Variants in JMJD1C observed in about 807,000 individuals in gnomAD.
The protein encoded by JMJD1C is jumonji domain-containing protein 1C.
In JMJD1C, 31 loss-of-function variants were observed where a neutral mutation model predicts 245.3. That is an observed-to-expected ratio of 0.13 (90% CI 0.09 to 0.17). JMJD1C has a LOEUF of 0.17. Ranked by LOEUF, JMJD1C falls within the 10% of genes least tolerant of loss-of-function variation. The pLI, the probability that JMJD1C is intolerant of heterozygous loss-of-function variation, is 1.00. For missense variants in JMJD1C, 2,691 were observed against 3,000.2 expected (o/e 0.90, Z 2.41); for synonymous variants, 1,057 against 1,017.4 (o/e 1.04, Z -0.74).
At chr10:63,211,745 C>T (rs1334978102) in intron 8 of JMJD1C, among the ~76,000 whole-genome samples, 1 of 148,304 alleles carries the variant, frequency 6.7e-6, no homozygotes, top group Admixed American at 6.7e-5. Context: ...TTAAAAACAC[C>T]CATGTGAGGC....
At chr10:63,375,203 T>C (rs1015787583) in intron 2 of JMJD1C, among the ~76,000 whole-genome samples, 1 of 149,190 alleles carries the variant, frequency 6.7e-6, no homozygotes, top group Non-Finnish European at 1.5e-5. Context: ...TTTTTTTTTT[T>C]TGAGGCAAGG....
chr10:63,268,642 G>C, intron 2 of JMJD1C: 1 of 911,762 alleles, frequency 1.1e-6, no homozygotes, highest in Non-Finnish European at 1.3e-6. Flanking sequence ...GAAAAAGGAA[G>C]CAGAAAAATA....
At chr10:63,189,662 T>C (rs3816685) in intron 17 of JMJD1C, among the ~76,000 whole-genome samples, 5,323 of 152,276 alleles carry the variant, frequency 0.035, 289 homozygotes, top group East Asian at 0.26. Flanking sequence ...ACAGCCTTCC[T>C]GTCTTTTACA....
chr10:63,447,885 G>C (rs1297304006), intron 1 of JMJD1C, among the ~76,000 whole-genome samples: 1 of 152,024 alleles, frequency 6.6e-6, no homozygotes, highest in African/African-American at 2.4e-5. Flanking sequence ...GTTGCAGTGA[G>C]CTGAGACCAC....
intron 2 of JMJD1C, among the ~76,000 whole-genome samples, chr10:63,296,978 C>T (rs1217495739): frequency 2.6e-5 from 4 of 152,168 alleles, no homozygotes; most frequent in South Asian, 4.1e-4. Flanking sequence ...TATAATTATT[C>T]CCTTCTTGAA....
chr10:63,206,329 C>A (rs1050178829), intron 10 of JMJD1C, among the ~76,000 whole-genome samples: 2 of 152,098 alleles, frequency 1.3e-5, no homozygotes, highest in African/African-American at 4.8e-5. Flanking sequence ...CGTTAAATTA[C>A]GCAAATTACC....
chr10:63,186,388 T>A lies in JMJD1C; in HGVS notation c.6571-5A>T. On this transcript the variant is annotated splice_polypyrimidine_tract_variant and splice_region_variant and intron_variant, in intron 18 of 25. Transcript: ENST00000399262. ...CACACCAGAAACCACTGCAGGCTTA[T>A]AAATAGATAAATAAATAACAGTTAA... 1.9e-6 allele frequency: 3 copies of A among 1,574,374 alleles called. No individual in the cohort carries two copies. The highest frequency in any genetic ancestry group is 2.6e-6 in the Non-Finnish European group (3 of 1,160,820).
intron 2 of JMJD1C, among the ~76,000 whole-genome samples, chr10:63,343,678 A>C (rs1943570963): frequency 6.6e-6 from 1 of 152,188 alleles, no homozygotes. Flanking sequence ...AATGGAGCTG[A>C]AAAATTCCTA....
At chr10:63,313,984 G>T (rs576859283) in intron 2 of JMJD1C, among the ~76,000 whole-genome samples, 29 of 152,298 alleles carry the variant, frequency 1.9e-4, no homozygotes, top group South Asian at 4.1e-4. Context: ...TCTTGGTCAT[G>T]AAGTCTTTGC....
intron 2 of JMJD1C, among the ~76,000 whole-genome samples, chr10:63,277,412 G>A (rs1305917419): frequency 3.9e-5 from 6 of 152,082 alleles, no homozygotes; most frequent in Non-Finnish European, 7.3e-5. Flanking sequence ...AGTCTCTCAG[G>A]TAATAACAGT....
intron 3 of JMJD1C, among the ~76,000 whole-genome samples, chr10:63,257,290 T>C (rs1194259608): frequency 6.6e-6 from 1 of 150,600 alleles, no homozygotes; most frequent in Non-Finnish European, 1.5e-5. Flanking sequence ...GCTGAGTAAG[T>C]ACCATTAATC....
At position 63,508,894 on chromosome 10, in the gene JMJD1C, T is replaced by A. The variant is rs557499206; in HGVS notation, n.113+12844A>T. Among the ~76,000 whole-genome samples, 9 of 152,348 alleles carry A rather than the reference T, an allele frequency of 5.9e-5. No homozygotes were observed. In the East Asian group the frequency reaches 1.5e-3, roughly 26 times the overall value. ...CATCTGTGAACAATGACAGTTTACT[T>A]CTTCCTTTTCAATCTATATACCTTT... On this transcript the variant is annotated intron_variant and non_coding_transcript_variant, in intron 1 of 3. Transcript: ENST00000633035.
intron 10 of JMJD1C, chr10:63,204,080 A>C (rs937402336): frequency 1.1e-6 from 1 of 886,124 alleles, no homozygotes; most frequent in African/African-American, 1.8e-5. Flanking sequence ...ACACCTGTGA[A>C]TATCCACTGC....
At chr10:63,308,576 T>C (rs1938625567) in intron 2 of JMJD1C, among the ~76,000 whole-genome samples, 1 of 150,890 alleles carries the variant, frequency 6.6e-6, no homozygotes, top group African/African-American at 2.4e-5. Flanking sequence ...AAAAGAGTTA[T>C]TTCGTCTAAG....
intron 2 of JMJD1C, among the ~76,000 whole-genome samples, chr10:63,297,014 G>T (rs913583622): frequency 6.6e-6 from 1 of 152,102 alleles, no homozygotes; most frequent in Non-Finnish European, 1.5e-5. Context: ...TCACCACTTT[G>T]AAAGTTTCTC....
At chr10:63,191,830 T>C (rs757544144) in intron 16 of JMJD1C, among the ~76,000 whole-genome samples, 5 of 149,862 alleles carry the variant, frequency 3.3e-5, no homozygotes, top group Non-Finnish European at 5.9e-5. Flanking sequence ...ACTAAAAATA[T>C]AAAAATCAGC....
Position 63,193,412 on chromosome 10 carries a change from T to G in JMJD1C, c.5795A>C (p.His1932Pro), listed in dbSNP as rs1320099618. ...TLREKYGIKS[H>P]CHCTNKQNLQ... ...ATTCTGTTTGTTAGTACAATGACAA[T>G]GGGATTTAATACCATATTTTTCCCT... Residue 1932 changes from histidine to proline, a missense_variant, in exon 15 of 26, where the codon CAT (histidine) becomes CCT (proline). Physicochemically the swap from His to Pro is moderately conservative, Grantham distance 77. Transcript: ENST00000399262. 6.2e-7 allele frequency: 1 copy of G among 1,600,304 alleles called. No homozygotes were observed. Among genetic ancestry groups the G allele is most frequent in the Non-Finnish European group, 8.6e-7 (1 of 1,169,428 alleles).
At position 63,214,044 on chromosome 10, in the gene JMJD1C, T is replaced by A. The variant is rs558454053; in HGVS notation, c.2123A>T (p.Asn708Ile). The A allele has an allele frequency of 1.9e-6, 3 of 1,614,064 alleles. No homozygotes were observed. In the African/African-American group the frequency reaches 4.0e-5, roughly 22 times the overall value. ...TTKSPLIIDK[N>I]EHFTVYRDPA... The stretch of plus-strand genomic sequence containing the variant: ...ATCTCTGTAAACTGTAAAATGCTCA[T>A]TTTTATCAATGATAAGAGGACTCTT... Residue 708 changes from asparagine to isoleucine, a missense_variant, in exon 8 of 26, where the codon AAT (asparagine) becomes ATT (isoleucine). Asn to Ile is a moderately radical substitution (Grantham distance 149). Around this residue, in one of 9 missense-constraint regions of JMJD1C, gnomAD observed 1,562 missense variants for 1,490.7 expected, o/e 1.05. Coordinates refer to ENST00000399262, the MANE Select transcript of JMJD1C (RefSeq NM_032776.3).
chr10:63,515,546 G>C (rs186699981), intron 1 of JMJD1C, among the ~76,000 whole-genome samples: 1 of 152,088 alleles, frequency 6.6e-6, no homozygotes, highest in Non-Finnish European at 1.5e-5. Context: ...TTTCCTACCC[G>C]GGTACTGGTT....
Sources: gnomAD v4.1 joint callset for allele counts (sites outside exome capture counted in the v4.1 genomes callset) on GRCh38, gnomAD v4.1.1 for gene constraint, gnomAD v4.1.1 regional missense constraint, MANE v1.5 for transcripts, NCBI Gene and HGNC (gene_info 2026-07-23, HGNC 2026-07-21) for gene names.